Variants in HAUS1 observed in about 807,000 individuals in gnomAD.
HAUS1 encodes HAUS augmin like complex subunit 1.
A neutral mutation model predicts 38.6 loss-of-function variants in HAUS1; 25 were observed. The observed-to-expected ratio is 0.65, with a 90% CI of 0.47 to 0.91. HAUS1 has a LOEUF of 0.91. Ranked by LOEUF, HAUS1 falls within the 40% of genes least tolerant of loss-of-function variation. HAUS1 has a pLI of 0.00. For missense variants in HAUS1, 325 were observed against 328.4 expected, an observed-to-expected ratio of 0.99 and a Z score of 0.08; for synonymous variants, 109 against 112.9, an observed-to-expected ratio of 0.97 and a Z score of 0.22.
Position 46,114,061 on chromosome 18 carries a change from TACGAGCA to T in HAUS1, c.206-4118_206-4112del, listed in dbSNP as rs1911742003. 4.6e-5 allele frequency among the ~76,000 whole-genome samples: 7 copies of T among 152,342 alleles called. No homozygotes were observed. The South Asian group carries it at 1.4e-3, about 32-fold the overall frequency. On this transcript the variant is annotated intron_variant, in intron 2 of 8. Transcript: ENST00000282058. ...ACAATGCCCTGGGCATAAACTGCTC[TACGAGCA>T]ATTCCAATCAAATTCTAGCTCTCTT...
intron 2 of HAUS1, among the ~76,000 whole-genome samples, chr18:46,113,001 T>TATA (rs1406891962): frequency 7.2e-5 from 9 of 124,392 alleles, no homozygotes; most frequent in South Asian, 2.4e-4. Flanking sequence ...ATATTCCATA[T>TATA]ATATGGAATA....
chr18:46,107,279 C>T (rs1052530171), intron 2 of HAUS1, among the ~76,000 whole-genome samples: 31 of 152,066 alleles, frequency 2.0e-4, no homozygotes, highest in Admixed American at 4.6e-4. Context: ...AAATACAGTG[C>T]AGAGAAAGGG....
At chr18:46,124,215 GC>G (rs1385386434) in intron 6 of HAUS1, among the ~76,000 whole-genome samples, 1 of 151,910 alleles carries the variant, frequency 6.6e-6, no homozygotes, top group Non-Finnish European at 1.5e-5. Context: ...TTTGAGACCA[GC>G]CTGGCCAAAA....
At chr18:46,127,635 A>G (rs4890625) in intron 8 of HAUS1, among the ~76,000 whole-genome samples, 25,563 of 150,860 alleles carry the variant, frequency 0.17, 3,040 homozygotes, top group East Asian at 0.42. Flanking sequence ...GAACCCGGGA[A>G]GCAGAGATTG....
intron 6 of HAUS1, among the ~76,000 whole-genome samples, chr18:46,123,789 G>A (rs537717770): frequency 3.3e-5 from 5 of 152,308 alleles, no homozygotes; most frequent in African/African-American, 4.8e-5. Flanking sequence ...GAGAGAAATA[G>A]AGGGTTTTGT....
At chr18:46,109,964 A>G (rs1340343137) in intron 2 of HAUS1, among the ~76,000 whole-genome samples, 3 of 152,052 alleles carry the variant, frequency 2.0e-5, no homozygotes, top group Non-Finnish European at 2.9e-5. Flanking sequence ...TAGAAAAAAT[A>G]TGCATGTATG....
chr18:46,104,406 G>A lies in HAUS1; in HGVS notation c.-6G>A. 2 of 1,453,860 alleles carry A rather than the reference G, an allele frequency of 1.4e-6. No homozygotes were observed. The highest frequency in any genetic ancestry group is 9.2e-7 in the Non-Finnish European group (1 of 1,091,452). The allele number at this position is 1,453,860 out of a possible 1,614,324, so 90.1% of individuals were successfully genotyped here. On this transcript the variant is annotated 5_prime_UTR_variant, in exon 1 of 9. Coordinates refer to ENST00000282058, the MANE Select transcript of HAUS1 (RefSeq NM_138443.4). ...AGTTCCTAGTAAAGTGGCGGGAGCC[G>A]CAGCTATGGAGCCGCAGGAGGAGAG...
intron 1 of HAUS1, among the ~76,000 whole-genome samples, 196 bp from the exon 2 acceptor site, chr18:46,104,998 C>G (rs1035720416): frequency 6.6e-6 from 1 of 151,780 alleles, no homozygotes; most frequent in Non-Finnish European, 1.5e-5. Context: ...CAGTATTGTA[C>G]GTTTCTTTGT....
At chr18:46,117,982 G>C (rs1401383698) in intron 2 of HAUS1, among the ~76,000 whole-genome samples, 199 bp from the exon 3 acceptor site, 1 of 152,002 alleles carries the variant, frequency 6.6e-6, no homozygotes, top group Non-Finnish European at 1.5e-5. Context: ...TGATGACTAA[G>C]GGATGTAGAG....
intron 7 of HAUS1, 100 bp downstream of exon 7, chr18:46,124,993 C>T: frequency 1.5e-6 from 1 of 661,100 alleles, no homozygotes. Flanking sequence ...GGCACGGTGG[C>T]TCACGCCTGT....
intron 2 of HAUS1, among the ~76,000 whole-genome samples, chr18:46,109,386 G>A (rs1260114900): frequency 1.3e-5 from 2 of 152,224 alleles, no homozygotes; most frequent in African/African-American, 4.8e-5. Context: ...TTTAGGTGGG[G>A]CCACGGAGCC....
At chr18:46,123,115 G>T in intron 5 of HAUS1, 184 bp from the exon 6 acceptor site, 2 of 522,942 alleles carry the variant, frequency 3.8e-6, no homozygotes, top group South Asian at 4.5e-5. Context: ...GGAGGCTGAG[G>T]CAGGAGAATG....
chr18:46,124,706 C>T lies in HAUS1; in HGVS notation c.667-116C>T, dbSNP rs569028924. Reference sequence around the variant, plus strand: ...ATCTTTGAAGCTTTTTATTCGATAACGTTATTTAAAATATACTAATGTTAA... The same window carrying T: ...ATCTTTGAAGCTTTTTATTCGATAATGTTATTTAAAATATACTAATGTTAA... On this transcript the variant is annotated intron_variant, in intron 6 of 8. Transcript: ENST00000282058. 46 of 564,352 alleles carry T rather than the reference C, an allele frequency of 8.2e-5. 1 individual carries two copies. In the Middle Eastern group the frequency reaches 2.9e-3, roughly 36 times the overall value. The allele number at this position is 564,352 out of a possible 1,614,324, so 35.0% of individuals were successfully genotyped here.
chr18:46,126,322 G>C (rs1390522523), intron 8 of HAUS1, among the ~76,000 whole-genome samples: 1 of 152,032 alleles, frequency 6.6e-6, no homozygotes, highest in African/African-American at 2.4e-5. Flanking sequence ...TTAAAATTTT[G>C]TGTACATTTC....
At chr18:46,123,971 G>T (rs1912024663) in intron 6 of HAUS1, among the ~76,000 whole-genome samples, 1 of 151,984 alleles carries the variant, frequency 6.6e-6, no homozygotes, top group Admixed American at 6.6e-5. Context: ...AAACTCCTGG[G>T]CTCAAGTGAT....
chr18:46,114,975 G>A (rs1238082523), intron 2 of HAUS1: 2 of 152,200 alleles, frequency 1.3e-5, no homozygotes, highest in African/African-American at 4.8e-5. Flanking sequence ...TTTCACAGAA[G>A]AGCAGGTCAG....
chr18:46,105,729 G>A (rs1368025375), intron 2 of HAUS1, among the ~76,000 whole-genome samples: 1 of 151,870 alleles, frequency 6.6e-6, no homozygotes, highest in South Asian at 2.1e-4. Flanking sequence ...CTACAGGCCT[G>A]CACCACCACA....
At chr18:46,106,500 A>G (rs915358766) in intron 2 of HAUS1, among the ~76,000 whole-genome samples, 1 of 151,982 alleles carries the variant, frequency 6.6e-6, no homozygotes, top group African/African-American at 2.4e-5. Context: ...GAAAAAGTGC[A>G]TTCAAGATGC....
chr18:46,128,048 A>G (rs1041812459), intron 8 of HAUS1, 27 bp from the exon 9 acceptor site: 2 of 1,432,084 alleles, frequency 1.4e-6, no homozygotes, highest in East Asian at 2.4e-5. Flanking sequence ...TTATGTCCTT[A>G]TCTATGGTAT....
Sources: gnomAD v4.1 joint callset for allele counts (sites outside exome capture counted in the v4.1 genomes callset) on GRCh38, gnomAD v4.1.1 for gene constraint, MANE v1.5 for transcripts, NCBI Gene and HGNC (gene_info 2026-07-23, HGNC 2026-07-21) for gene names.